Variants in STIMATE observed in about 807,000 individuals in gnomAD.
STIMATE encodes STIM activating enhancer.
STIMATE carries 15 observed loss-of-function variants against 36.7 expected under a neutral mutation model. That is an observed-to-expected ratio of 0.41 (90% CI 0.27 to 0.63). The LOEUF is 0.63. Ranked by LOEUF, STIMATE falls within the 20% of genes least tolerant of loss-of-function variation. STIMATE has a pLI of 0.32. For synonymous variants in STIMATE, 163 were observed against 162.3 expected (o/e 1.00, Z -0.03); for missense variants, 305 against 397.3 (o/e 0.77, Z 1.98).
In STIMATE at chr3:52,884,896, T is replaced by C. The variant is rs148847246; in HGVS notation, c.160+12395A>G. ...AAATATTCATGCACACGTCCTTCTATGGCCATGTGTTTTCTGTTCTCTTGG... is the reference window on the plus strand; with the variant it reads ...AAATATTCATGCACACGTCCTTCTACGGCCATGTGTTTTCTGTTCTCTTGG... On this transcript the variant is annotated intron_variant, in intron 1 of 7. Transcript: ENST00000355083. 1.2e-4 allele frequency among the ~76,000 whole-genome samples: 18 copies of C among 152,358 alleles called. No individual in the cohort carries two copies. In the East Asian group the frequency reaches 1.3e-3, roughly 11 times the overall value.
At chr3:52,861,320 C>A (rs1422261994) in intron 1 of STIMATE, among the ~76,000 whole-genome samples, 6 of 152,182 alleles carry the variant, frequency 3.9e-5, no homozygotes, top group African/African-American at 1.4e-4. Flanking sequence ...GCACACAGGT[C>A]CCATTCCATT....
chr3:52,887,820 A>C (rs1311512712), intron 1 of STIMATE, among the ~76,000 whole-genome samples: 1 of 152,138 alleles, frequency 6.6e-6, no homozygotes, highest in Non-Finnish European at 1.5e-5. Context: ...AACCCAGCTC[A>C]TGGTGACACT....
chr3:52,874,544 A>T (rs1368267754), intron 1 of STIMATE, among the ~76,000 whole-genome samples: 1 of 152,210 alleles, frequency 6.6e-6, no homozygotes. Context: ...GCTTACAGTG[A>T]GAATGTATTA....
At chr3:52,864,771 C>A (rs1701274704) in intron 1 of STIMATE, among the ~76,000 whole-genome samples, 2 of 152,116 alleles carry the variant, frequency 1.3e-5, no homozygotes, top group Admixed American at 1.3e-4. Context: ...GTTCAAAGTT[C>A]CACAGATCTC....
At chr3:52,853,212 C>T (rs950818939) in intron 2 of STIMATE, among the ~76,000 whole-genome samples, 1 of 152,256 alleles carries the variant, frequency 6.6e-6, no homozygotes, top group Admixed American at 6.5e-5. Context: ...CATATGATCT[C>T]TGTCTCAATT....
chr3:52,881,229 G>A lies in STIMATE; in HGVS notation c.160+16062C>T, dbSNP rs114248770. Among the ~76,000 whole-genome samples the A allele has an allele frequency of 9.1e-3, 1,372 of 151,554 alleles. 15 individuals carry two copies. Among genetic ancestry groups the A allele is most frequent in the Non-Finnish European group, 0.01 (706 of 67,878 alleles). ...TCAAAAAAAAAAAAAAAATGTAAAC[G>A]GTGACAATCAGGTAGGCTTGCTAAG... On this transcript the variant is annotated intron_variant, in intron 1 of 7. Transcript: ENST00000355083.
intron 1 of STIMATE, among the ~76,000 whole-genome samples, chr3:52,890,430 C>G (rs534367970): frequency 6.6e-5 from 10 of 152,322 alleles, no homozygotes; most frequent in South Asian, 2.1e-4. Flanking sequence ...GCGATTTGGC[C>G]CCCCAGGGGG....
rs1263632488 is a variant in STIMATE at position 52,850,078 on chromosome 3, T to C, written c.306-165A>G. On this transcript the variant is annotated intron_variant, in intron 3 of 7. Coordinates refer to ENST00000355083, the MANE Select transcript of STIMATE (RefSeq NM_198563.5). ...CAGTGTAGCTGTCACTACCATGTGC[T>C]GAAGCTCATCAGGAGTGCGACCACC... is the stretch of plus-strand genomic sequence containing the variant. Among the ~76,000 whole-genome samples the C allele has an allele frequency of 2.1e-4, 32 of 152,236 alleles. 1 individual carries two copies. Among genetic ancestry groups the C allele is most frequent in the Admixed American group, 2.1e-3 (32 of 15,286 alleles).
At chr3:52,849,651 C>G (rs994990955) in intron 4 of STIMATE, 141 bp downstream of exon 4, 1 of 1,409,022 alleles carries the variant, frequency 7.1e-7, no homozygotes, top group South Asian at 1.5e-5. Context: ...AAACCCAGAA[C>G]AGCCCCCTCT....
chr3:52,846,014 C>T (rs1275615160), intron 4 of STIMATE, among the ~76,000 whole-genome samples: 1 of 152,220 alleles, frequency 6.6e-6, no homozygotes, highest in African/African-American at 2.4e-5. Context: ...GAGATATCTC[C>T]AGCTTCTCAC....
Position 52,844,958 on chromosome 3 carries a change from G to A in STIMATE, c.428-17C>T, listed in dbSNP as rs1700869072. On this transcript the variant is annotated splice_polypyrimidine_tract_variant and intron_variant, in intron 4 of 7. Transcript: ENST00000355083. ...GAGGGTCTCCTGCAGGGACAGGCGG[G>A]TGCTTAGTCACATGGGGCCCAGGCA... is the stretch of plus-strand genomic sequence containing the variant. 1.9e-6 allele frequency: 3 copies of A among 1,611,774 alleles called. No homozygotes were observed. The highest frequency in any genetic ancestry group is 2.5e-6 in the Non-Finnish European group (3 of 1,178,604).
chr3:52,847,636 TG>T, intron 4 of STIMATE: 1 of 1,061,482 alleles, frequency 9.4e-7, no homozygotes, highest in Non-Finnish European at 1.3e-6. Context: ...CTTCCTCAAA[TG>T]GATGGGCAGG....
At chr3:52,883,271 T>C (rs887231834) in intron 1 of STIMATE, among the ~76,000 whole-genome samples, 24 of 152,252 alleles carry the variant, frequency 1.6e-4, no homozygotes, top group Non-Finnish European at 2.8e-4. Context: ...GTTGTTCCAT[T>C]GTCTTCAGGC....
At chr3:52,892,144 C>T (rs1252681328) in intron 1 of STIMATE, among the ~76,000 whole-genome samples, 2 of 152,144 alleles carry the variant, frequency 1.3e-5, no homozygotes, top group African/African-American at 4.8e-5. Context: ...CTGCAAAAGA[C>T]TTTAAACAGA....
At chr3:52,855,357 C>T in intron 2 of STIMATE, 39 bp downstream of exon 2, 2 of 1,582,758 alleles carry the variant, frequency 1.3e-6, no homozygotes, top group Non-Finnish European at 8.6e-7. Flanking sequence ...CCAACATAGT[C>T]AAAAGCACTC....
At chr3:52,870,108 G>C (rs1701377644) in intron 1 of STIMATE, among the ~76,000 whole-genome samples, 1 of 152,172 alleles carries the variant, frequency 6.6e-6, no homozygotes, top group South Asian at 2.1e-4. Context: ...CTCCGGAGTA[G>C]CTGGGATTAC....
rs557768325 is a variant in STIMATE at position 52,846,927 on chromosome 3, G to A, written c.428-1986C>T. On this transcript the variant is annotated intron_variant, in intron 4 of 7. Transcript: ENST00000355083. ...TTGCTGTTATTGTTTTCTTAGAGAT[G>A]GGGTCTCACTCTGTCATTCAGACTA... Among the ~76,000 whole-genome samples the A allele has an allele frequency of 1.7e-4, 26 of 152,252 alleles. No homozygotes were observed. The South Asian group carries it at 4.2e-3, about 24-fold the overall frequency.
At position 52,889,087 on chromosome 3, in the gene STIMATE, C is replaced by T. The variant is rs535564716; in HGVS notation, c.160+8204G>A. Among the ~76,000 whole-genome samples the T allele has an allele frequency of 1.2e-4, 18 of 152,264 alleles. No homozygotes were observed. In the East Asian group the frequency reaches 2.9e-3, roughly 24 times the overall value. ...TGGCCCTTAGAATGAAGAGGGCACA[C>T]TAAACAAGATGCGGCAGGAGGGCAT... On this transcript the variant is annotated intron_variant, in intron 1 of 7. Transcript: ENST00000355083.
intron 1 of STIMATE, among the ~76,000 whole-genome samples, chr3:52,876,110 G>C (rs1046141789): frequency 6.6e-6 from 1 of 152,212 alleles, no homozygotes; most frequent in African/African-American, 2.4e-5. Flanking sequence ...AGCAATACTG[G>C]TGGCCCTAGA....
Sources: allele counts gnomAD v4.1 joint callset (sites outside exome capture counted in the v4.1 genomes callset), GRCh38; gene constraint gnomAD v4.1.1; transcripts MANE v1.5; gene names NCBI Gene and HGNC (gene_info 2026-07-23, HGNC 2026-07-21).